ELAVL4: variants seen among roughly 807,000 people sequenced by gnomAD.
ELAVL4 encodes ELAV like RNA binding protein 4, also known as ELAV-like protein 4.
In ELAVL4, 1 loss-of-function variant was observed where a neutral mutation model predicts 35.6. The ratio of observed to expected loss-of-function variants is 0.03; its 90% CI spans 0.01 to 0.13. ELAVL4 has a LOEUF of 0.13. Ranked by LOEUF, ELAVL4 falls within the 10% of genes least tolerant of loss-of-function variation. ELAVL4 has a pLI of 1.00. For synonymous variants in ELAVL4, 156 were observed against 171.0 expected, an observed-to-expected ratio of 0.91 and a Z score of 0.69; for missense variants, 267 against 464.9, an observed-to-expected ratio of 0.57 and a Z score of 3.91.
intron 1 of ELAVL4, among the ~76,000 whole-genome samples, chr1:50,125,890 A>G (rs1245682607): frequency 6.6e-6 from 1 of 151,792 alleles, no homozygotes. Context: ...ACTTACTTGT[A>G]GTGGGGTCTT....
intron 2 of ELAVL4, among the ~76,000 whole-genome samples, chr1:50,168,946 GTA>G (rs369553332): frequency 4.3e-4 from 60 of 139,464 alleles, no homozygotes; most frequent in Admixed American, 5.8e-4. Flanking sequence ...TAGGAGATAT[GTA>G]TATATATATA....
intron 1 of ELAVL4, among the ~76,000 whole-genome samples, chr1:50,084,697 TCAAA>T (rs1665159295): frequency 6.6e-6 from 1 of 152,102 alleles, no homozygotes; most frequent in African/African-American, 2.4e-5. Flanking sequence ...TTCCTCTGCC[TCAAA>T]CACTCTTGTC....
intron 3 of ELAVL4, among the ~76,000 whole-genome samples, chr1:50,184,958 TTAAAATTTAA>T (rs1362138907): frequency 1.3e-5 from 2 of 152,224 alleles, no homozygotes; most frequent in Non-Finnish European, 2.9e-5. Context: ...TTTAAATTAA[TTAAAATTTAA>T]TAAAATTCAA....
chr1:50,188,307 T>A (rs745524337), intron 3 of ELAVL4, among the ~76,000 whole-genome samples: 2 of 152,182 alleles, frequency 1.3e-5, no homozygotes, highest in African/African-American at 4.8e-5. Flanking sequence ...GTCACCTTTA[T>A]GTGACACTTA....
At chr1:50,072,208 A>G (rs12140489) in intron 1 of ELAVL4, among the ~76,000 whole-genome samples, 154 of 152,342 alleles carry the variant, frequency 1.0e-3, no homozygotes, top group Non-Finnish European at 1.7e-3. Context: ...AAGTAAATGA[A>G]TAAATAAATA....
At chr1:50,055,298 TTTTG>T (rs1045885208) in intron 1 of ELAVL4, among the ~76,000 whole-genome samples, 6 of 151,848 alleles carry the variant, frequency 4.0e-5, no homozygotes, top group Non-Finnish European at 7.4e-5. Flanking sequence ...TTGTTTTTGT[TTTTG>T]TTTTTGTTTT....
intron 2 of ELAVL4, among the ~76,000 whole-genome samples, chr1:50,162,278 A>C (rs1433712610): frequency 1.3e-5 from 2 of 152,240 alleles, no homozygotes; most frequent in Admixed American, 1.3e-4. Context: ...CCATCCATTC[A>C]ACATAGATTT....
intron 3 of ELAVL4, among the ~76,000 whole-genome samples, chr1:50,187,723 G>A (rs1682045433): frequency 6.6e-6 from 1 of 152,166 alleles, no homozygotes; most frequent in African/African-American, 2.4e-5. Context: ...TGGCCCTGGG[G>A]TGTGAAGCTA....
chr1:50,139,050 G>A (rs1672375676), intron 1 of ELAVL4, among the ~76,000 whole-genome samples: 1 of 152,114 alleles, frequency 6.6e-6, no homozygotes, highest in African/African-American at 2.4e-5. Flanking sequence ...GAATATTTAA[G>A]TGTATGCCTG....
intron 3 of ELAVL4, among the ~76,000 whole-genome samples, chr1:50,188,102 A>AG (rs1682109570): frequency 1.3e-5 from 2 of 152,172 alleles, no homozygotes; most frequent in African/African-American, 4.8e-5. Flanking sequence ...CTCAAAAAAA[A>AG]AAATTAATCA....
intron 1 of ELAVL4, among the ~76,000 whole-genome samples, chr1:50,098,444 C>T (rs1164215163): frequency 6.6e-6 from 1 of 152,176 alleles, no homozygotes; most frequent in Non-Finnish European, 1.5e-5. Flanking sequence ...AGAAGCCTAG[C>T]ATCATTGTGG....
intron 5 of ELAVL4, among the ~76,000 whole-genome samples, chr1:50,196,322 G>C (rs1644056334): frequency 1.3e-5 from 2 of 152,292 alleles, no homozygotes; most frequent in Admixed American, 1.3e-4. Flanking sequence ...TCCTGTCCAA[G>C]CCTGATTAGT....
At chr1:50,172,397 A>G (rs1349420331) in intron 2 of ELAVL4, among the ~76,000 whole-genome samples, 2 of 152,218 alleles carry the variant, frequency 1.3e-5, no homozygotes, top group Non-Finnish European at 2.9e-5. Context: ...TCTCAGAATC[A>G]TTGTTATTAT....
At chr1:50,104,351 A>G (rs1330442130), upstream of ELAVL4, among the ~76,000 whole-genome samples, 3 of 152,224 alleles carry the variant, frequency 2.0e-5, no homozygotes, top group African/African-American at 2.4e-5. Context: ...ACATTTTTTA[A>G]TTAGTGTTTA....
chr1:50,079,748 T>C (rs1664926456), intron 1 of ELAVL4, among the ~76,000 whole-genome samples: 1 of 152,208 alleles, frequency 6.6e-6, no homozygotes. Flanking sequence ...AAAAGCATAC[T>C]GTAAGGTGTT....
At chr1:50,054,169 T>C (rs1056689263) in intron 1 of ELAVL4, among the ~76,000 whole-genome samples, 8 of 152,246 alleles carry the variant, frequency 5.3e-5, no homozygotes, top group African/African-American at 1.9e-4. Flanking sequence ...ATGCTTAGCA[T>C]AGTGATTCTC....
intron 6 of ELAVL4, among the ~76,000 whole-genome samples, chr1:50,197,760 C>G (rs1644143617): frequency 6.6e-6 from 1 of 152,190 alleles, no homozygotes; most frequent in South Asian, 2.1e-4. Flanking sequence ...TGAATGGCTC[C>G]CCTAAGGGGA....
At chr1:50,178,455 ATCTT>A (rs896837184) in intron 3 of ELAVL4, among the ~76,000 whole-genome samples, 53 of 152,326 alleles carry the variant, frequency 3.5e-4, no homozygotes, top group African/African-American at 1.2e-3. Flanking sequence ...ATATGTGATT[ATCTT>A]TCTTTCTTTT....
upstream of ELAVL4, among the ~76,000 whole-genome samples, chr1:50,100,280 A>C (rs1242429579): frequency 6.6e-6 from 1 of 152,206 alleles, no homozygotes. Context: ...TTTTATAAAG[A>C]ACGTACTGAA....
Sources: allele counts gnomAD v4.1 joint callset (sites outside exome capture counted in the v4.1 genomes callset), GRCh38; gene constraint gnomAD v4.1.1; transcripts MANE v1.5; gene names NCBI Gene and HGNC (gene_info 2026-07-23, HGNC 2026-07-21).